GRID2: variants seen among roughly 807,000 people sequenced by gnomAD.
The protein encoded by GRID2 is glutamate receptor ionotropic, delta-2.
GRID2 carries 33 observed loss-of-function variants against 114.8 expected under a neutral mutation model. The observed-to-expected ratio is 0.29, with a 90% CI of 0.22 to 0.38. GRID2 has a LOEUF of 0.38. Ranked by LOEUF, GRID2 falls within the 10% of genes least tolerant of loss-of-function variation. GRID2 has a pLI of 1.00. For synonymous variants in GRID2, 505 were observed against 449.9 expected (o/e 1.12, Z -1.55); for missense variants, 1,184 against 1,257.7 (o/e 0.94, Z 0.89).
At chr4:92,947,063 G>A (rs1389477319) in intron 2 of GRID2, among the ~76,000 whole-genome samples, 2 of 152,006 alleles carry the variant, frequency 1.3e-5, no homozygotes, top group Non-Finnish European at 2.9e-5. Flanking sequence ...TAATAATTTT[G>A]TAGGTAGTCA....
intron 2 of GRID2, among the ~76,000 whole-genome samples, chr4:92,924,990 C>T (rs1222961089): frequency 1.3e-5 from 2 of 152,004 alleles, no homozygotes; most frequent in African/African-American, 4.8e-5. Context: ...AGCCTTTCCC[C>T]AAAGGTAAGC....
intron 8 of GRID2, among the ~76,000 whole-genome samples, chr4:93,344,036 A>C (rs541374254): frequency 1.3e-5 from 2 of 152,166 alleles, no homozygotes; most frequent in South Asian, 4.1e-4. Context: ...CATTGTCTGA[A>C]ATTTCAAATG....
intron 13 of GRID2, among the ~76,000 whole-genome samples, chr4:93,594,696 A>C (rs1346295713): frequency 1.3e-5 from 2 of 152,164 alleles, no homozygotes; most frequent in African/African-American, 4.8e-5. Context: ...CTGTGCTAGC[A>C]ATCAATGAGA....
chr4:93,575,134 C>T (rs544746118), intron 13 of GRID2, among the ~76,000 whole-genome samples: 1 of 152,242 alleles, frequency 6.6e-6, no homozygotes, highest in East Asian at 1.9e-4. Flanking sequence ...GTTTTATTGG[C>T]CAGAGCAAAT....
At chr4:92,617,131 G>A (rs1261195284) in intron 2 of GRID2, among the ~76,000 whole-genome samples, 1 of 150,964 alleles carries the variant, frequency 6.6e-6, no homozygotes, top group African/African-American at 2.4e-5. Flanking sequence ...ATATCCTACA[G>A]TGCTATAGTA....
chr4:93,024,555 A>G lies in GRID2; in HGVS notation c.245-60440A>G, dbSNP rs945066835. 7.2e-5 allele frequency among the ~76,000 whole-genome samples: 11 copies of G among 151,772 alleles called. 1 individual carries two copies. Among genetic ancestry groups the G allele is most frequent in the Non-Finnish European group, 1.6e-4 (11 of 67,738 alleles). ...AAAGCATGAAGACTTTCAAAAAGACAGGTTTTAAACATTGCAAAACCTCAT... is the reference window on the plus strand; with the variant it reads ...AAAGCATGAAGACTTTCAAAAAGACGGGTTTTAAACATTGCAAAACCTCAT... On this transcript the variant is annotated intron_variant, in intron 2 of 15. Coordinates refer to ENST00000282020, the MANE Select transcript of GRID2 (RefSeq NM_001510.4).
intron 5 of GRID2, among the ~76,000 whole-genome samples, chr4:93,215,886 T>A (rs1744153526): frequency 6.6e-6 from 1 of 152,040 alleles, no homozygotes; most frequent in African/African-American, 2.4e-5. Flanking sequence ...GCCGTAAAAA[T>A]TGATTGAAAC....
chr4:92,652,449 A>G (rs1579770850), intron 2 of GRID2, among the ~76,000 whole-genome samples: 1 of 151,830 alleles, frequency 6.6e-6, no homozygotes, highest in African/African-American at 2.4e-5. Flanking sequence ...AGGATAAGTC[A>G]GGAGGAATGC....
At chr4:93,353,097 T>A (rs1760963990) in intron 8 of GRID2, among the ~76,000 whole-genome samples, 1 of 152,044 alleles carries the variant, frequency 6.6e-6, no homozygotes, top group Non-Finnish European at 1.5e-5. Context: ...GAAAGCCAGG[T>A]GAGGCTGAAG....
intron 2 of GRID2, among the ~76,000 whole-genome samples, chr4:92,977,021 A>C (rs906437491): frequency 1.2e-4 from 19 of 152,092 alleles, no homozygotes; most frequent in African/African-American, 4.6e-4. Context: ...CATTTTTTTC[A>C]TCTCTATGCA....
chr4:92,369,244 G>T (rs1729008448), intron 1 of GRID2, among the ~76,000 whole-genome samples: 2 of 152,064 alleles, frequency 1.3e-5, no homozygotes, highest in African/African-American at 4.8e-5. Flanking sequence ...TTTAAAGAAA[G>T]AATTTCCCCT....
chr4:92,876,615 T>A lies in GRID2; in HGVS notation c.245-208380T>A, dbSNP rs188912227. 2.1e-3 allele frequency among the ~76,000 whole-genome samples: 324 copies of A among 152,276 alleles called. 5 individuals are homozygous for A. Among genetic ancestry groups the A allele is most frequent in the African/African-American group, 7.3e-3 (303 of 41,544 alleles). On this transcript the variant is annotated intron_variant, in intron 2 of 15. Coordinates refer to ENST00000282020, the MANE Select transcript of GRID2 (RefSeq NM_001510.4). ...CCACCGCACCCGGCCAAAAACCCAA[T>A]TTTCTTGATTATTACTACAGTTCAG...
At chr4:92,743,840 C>T (rs2149333399) in intron 2 of GRID2, among the ~76,000 whole-genome samples, 1 of 152,244 alleles carries the variant, frequency 6.6e-6, no homozygotes, top group Non-Finnish European at 1.5e-5. Context: ...TTAAAAAAGT[C>T]TCAACGAAAT....
intron 12 of GRID2, 102 bp from the exon 13 acceptor site, chr4:93,515,114 T>C: frequency 4.2e-6 from 2 of 473,000 alleles, no homozygotes; most frequent in East Asian, 3.3e-5. Flanking sequence ...ATTTGATATA[T>C]GTTTCCACAC....
intron 1 of GRID2, among the ~76,000 whole-genome samples, chr4:92,572,464 G>A (rs1727677511): frequency 6.6e-6 from 1 of 152,088 alleles, no homozygotes; most frequent in Non-Finnish European, 1.5e-5. Flanking sequence ...GTACAAGGAG[G>A]AGCTGGTACC....
chr4:92,658,064 T>C (rs1732333116), intron 2 of GRID2, among the ~76,000 whole-genome samples: 1 of 151,774 alleles, frequency 6.6e-6, no homozygotes, highest in Non-Finnish European at 1.5e-5. Flanking sequence ...TCTCCACTTT[T>C]TTACATGAAA....
intron 1 of GRID2, among the ~76,000 whole-genome samples, chr4:92,440,297 T>C (rs1157941036): frequency 6.8e-6 from 1 of 146,076 alleles, no homozygotes; most frequent in Non-Finnish European, 1.5e-5. Context: ...AAGGCTGGTC[T>C]ATTATCAGAC....
chr4:92,650,222 C>A (rs893174316), intron 2 of GRID2, among the ~76,000 whole-genome samples: 1 of 152,034 alleles, frequency 6.6e-6, no homozygotes, highest in Non-Finnish European at 1.5e-5. Context: ...ATTACTTTAG[C>A]AAGTCATTCG....
chr4:93,416,871 T>A (rs1429744381), intron 9 of GRID2, among the ~76,000 whole-genome samples: 2 of 152,068 alleles, frequency 1.3e-5, no homozygotes, highest in Non-Finnish European at 2.9e-5. Context: ...TACAAGCAGG[T>A]CTGTGGATCC....
Sources: gnomAD v4.1 joint callset for allele counts (sites outside exome capture counted in the v4.1 genomes callset) on GRCh38, gnomAD v4.1.1 for gene constraint, MANE v1.5 for transcripts, NCBI Gene and HGNC (gene_info 2026-07-23, HGNC 2026-07-21) for gene names.